The following PCDH15 variants were observed in gnomAD, a reference collection of about 807,000 sequenced individuals.
PCDH15 encodes protocadherin-15.
In PCDH15, 129 loss-of-function variants were observed where a neutral mutation model predicts 178.5. The ratio of observed to expected loss-of-function variants is 0.72; its 90% CI spans 0.63 to 0.84. The LOEUF (loss-of-function observed/expected upper bound fraction) is 0.84, where lower values mean the gene tolerates loss of function less well. Among genes scored for constraint, PCDH15 ranks in the 40% least tolerant of loss-of-function variants. The pLI, the probability that PCDH15 is intolerant of heterozygous loss-of-function variation, is 0.00. For missense variants in PCDH15, 2,230 were observed against 2,099.9 expected (o/e 1.06, Z -1.21); for synonymous variants, 800 against 732.0 (o/e 1.09, Z -1.50).
chr10:54,904,743 C>G (rs1591774016), intron 2 of PCDH15, among the ~76,000 whole-genome samples: 1 of 151,582 alleles, frequency 6.6e-6, no homozygotes, highest in South Asian at 2.1e-4. Context: ...CCTAGCTGCC[C>G]CACACTTTAT....
intron 10 of PCDH15, among the ~76,000 whole-genome samples, chr10:54,201,482 G>T (rs1265020790): frequency 6.6e-6 from 1 of 151,894 alleles, no homozygotes; most frequent in African/African-American, 2.4e-5. Context: ...CTATGCTATT[G>T]TAAACCTAAA....
intron 1 of PCDH15, among the ~76,000 whole-genome samples, chr10:55,235,635 G>T (rs918323609): frequency 6.6e-6 from 1 of 152,002 alleles, no homozygotes; most frequent in Non-Finnish European, 1.5e-5. Context: ...GGCCAGGAGC[G>T]GTGGCTCAGG....
At chr10:53,824,278 T>C (rs533973986) in intron 32 of PCDH15, among the ~76,000 whole-genome samples, 2 of 152,252 alleles carry the variant, frequency 1.3e-5, no homozygotes, top group Admixed American at 6.5e-5. Flanking sequence ...AGGAAAGCAT[T>C]TGGACCCTTC....
intron 3 of PCDH15, among the ~76,000 whole-genome samples, chr10:54,395,905 A>G (rs1477560525): frequency 6.6e-6 from 1 of 152,130 alleles, no homozygotes; most frequent in African/African-American, 2.4e-5. Context: ...GAGTGGAGTG[A>G]GGAATAATTG....
chr10:55,480,027 T>A (rs1840144431), intron 2 of PCDH15, among the ~76,000 whole-genome samples: 1 of 151,414 alleles, frequency 6.6e-6, no homozygotes, highest in Non-Finnish European at 1.5e-5. Context: ...TTTCTTCCAG[T>A]CTGTGAAGAA....
chr10:55,618,828 G>A (rs1843529688), intron 2 of PCDH15, among the ~76,000 whole-genome samples: 2 of 151,962 alleles, frequency 1.3e-5, no homozygotes, highest in South Asian at 4.1e-4. Context: ...AACCCATTAA[G>A]ATCCATGACA....
At chr10:54,436,231 A>G (rs1214533697) in intron 3 of PCDH15, among the ~76,000 whole-genome samples, 5 of 152,034 alleles carry the variant, frequency 3.3e-5, no homozygotes, top group Non-Finnish European at 7.4e-5. Flanking sequence ...ATTAGAATGC[A>G]AAGTCAAAGA....
intron 2 of PCDH15, among the ~76,000 whole-genome samples, chr10:55,029,848 G>A (rs114664982): frequency 4.7e-4 from 71 of 152,184 alleles, no homozygotes; most frequent in African/African-American, 1.6e-3. Context: ...GCAGCCAGTT[G>A]CCCCAAGGTC....
At chr10:54,309,592 G>A (rs916335738) in intron 8 of PCDH15, among the ~76,000 whole-genome samples, 3 of 151,956 alleles carry the variant, frequency 2.0e-5, no homozygotes, top group Non-Finnish European at 2.9e-5. Context: ...TCAGGAGTTC[G>A]AGATCAGCCT....
intron 1 of PCDH15, among the ~76,000 whole-genome samples, chr10:54,686,608 A>G (rs1318141588): frequency 6.6e-6 from 1 of 152,108 alleles, no homozygotes; most frequent in Non-Finnish European, 1.5e-5. Flanking sequence ...AATTGTGTCC[A>G]ATACCATTCT....
intron 18 of PCDH15, among the ~76,000 whole-genome samples, chr10:54,045,074 T>C (rs1008224204): frequency 2.0e-5 from 3 of 152,020 alleles, no homozygotes; most frequent in Non-Finnish European, 4.4e-5. Flanking sequence ...CTCTTAAAGA[T>C]AGAGCTAAGG....
intron 2 of PCDH15, among the ~76,000 whole-genome samples, chr10:55,341,797 ATATATATATTTTTTTTTT>A (rs1205416856): frequency 4.4e-4 from 5 of 11,342 alleles, no homozygotes; most frequent in East Asian, 1.3e-3. Context: ...ATATATATAT[ATATATATATTTTTTTTTT>A]TTTTTTTTTT....
rs144823049 is a variant in PCDH15, at chr10:55,341,657, G to T, written c.-155-175006C>A. 6.9e-3 allele frequency among the ~76,000 whole-genome samples: 995 copies of T among 144,442 alleles called. 10 individuals are homozygous for T. The highest frequency in any genetic ancestry group is 0.024 in the African/African-American group (931 of 39,264). The allele number at this position is 144,442 out of a possible 152,430, so 94.8% of individuals were successfully genotyped here. On this transcript the variant is annotated intron_variant, in intron 2 of 5. Transcript: ENST00000613346. The stretch of plus-strand genomic sequence containing the variant: ...CGATCTTGGCTTACTCCAACCACCC[G>T]CTCCCGGGTTCAAGTGATTCTCTAG...
chr10:54,687,848 C>T (rs2135748253), intron 1 of PCDH15, among the ~76,000 whole-genome samples: 1 of 152,060 alleles, frequency 6.6e-6, no homozygotes. Context: ...CATGCCCATC[C>T]TTGAACAATA....
At chr10:54,178,119 A>G (rs922211294) in intron 13 of PCDH15, among the ~76,000 whole-genome samples, 24 of 152,170 alleles carry the variant, frequency 1.6e-4, no homozygotes, top group South Asian at 2.1e-4. Flanking sequence ...ACAGAGAAGT[A>G]GGATGGGAAC....
At chr10:54,118,753 G>T (rs1350590010) in intron 15 of PCDH15, among the ~76,000 whole-genome samples, 1 of 146,442 alleles carries the variant, frequency 6.8e-6, no homozygotes, top group Non-Finnish European at 1.5e-5. Flanking sequence ...ATTCCTAGAA[G>T]AAAACCTAGG....
chr10:55,085,651 T>A (rs184193898), intron 2 of PCDH15, among the ~76,000 whole-genome samples: 1,680 of 148,848 alleles, frequency 0.011, 26 homozygotes, highest in African/African-American at 0.039. Context: ...AACAAAAAAA[T>A]TATTAAACTG....
intron 26 of PCDH15, among the ~76,000 whole-genome samples, chr10:53,871,450 A>ATGTGTGTG (rs1366132325): frequency 1.7e-5 from 1 of 57,402 alleles, no homozygotes; most frequent in African/African-American, 7.4e-5. Flanking sequence ...ATATATTCAT[A>ATGTGTGTG]CGTGTGTGTG....
intron 23 of PCDH15, among the ~76,000 whole-genome samples, chr10:53,946,293 T>C (rs570782545): frequency 1.3e-5 from 2 of 152,122 alleles, no homozygotes; most frequent in Non-Finnish European, 2.9e-5. Context: ...TGACACTGTG[T>C]GCTATCTTCC....
Sources: allele counts gnomAD v4.1 joint callset (sites outside exome capture counted in the v4.1 genomes callset), GRCh38; gene constraint gnomAD v4.1.1; transcripts MANE v1.5; gene names NCBI Gene and HGNC (gene_info 2026-07-23, HGNC 2026-07-21).